Variants in DCAF1 observed in about 807,000 individuals in gnomAD.
DCAF1 encodes DDB1 and CUL4 associated factor 1.
In DCAF1, 15 loss-of-function variants were observed where a neutral mutation model predicts 128.0. The observed-to-expected ratio is 0.12, with a 90% CI of 0.08 to 0.18. The LOEUF is 0.18. DCAF1 is among the 10% of genes least tolerant of loss of function. The probability of loss-of-function intolerance (pLI) is 1.00; values close to 1 mark genes in which losing one functional copy is unlikely to be tolerated. For missense variants in DCAF1, 988 were observed against 1,649.5 expected, an observed-to-expected ratio of 0.60 and a Z score of 6.95; for synonymous variants, 610 against 603.0, an observed-to-expected ratio of 1.01 and a Z score of -0.17.
chr3:51,434,442 T>C (rs2107601557), intron 9 of DCAF1, among the ~76,000 whole-genome samples: 1 of 152,306 alleles, frequency 6.6e-6, no homozygotes, highest in Admixed American at 6.5e-5. Context: ...ACCATTTTAC[T>C]ATTACATATT....
Position 51,493,688 on chromosome 3 carries a change from T to C in DCAF1, c.-9+3046A>G, listed in dbSNP as rs185362154. Among the ~76,000 whole-genome samples, 686 of 152,004 alleles carry C rather than the reference T, an allele frequency of 4.5e-3. 4 individuals carry two copies. The highest frequency in any genetic ancestry group is 0.016 in the African/African-American group (659 of 41,492). On this transcript the variant is annotated intron_variant, in intron 2 of 24. Transcript: ENST00000684031. ...AGCAGACACAAAAGGGCACATATTG[T>C]ATGATTCTATTTATATAAAACATTG...
At chr3:51,477,491 G>C (rs374751250) in intron 3 of DCAF1, among the ~76,000 whole-genome samples, 1 of 151,332 alleles carries the variant, frequency 6.6e-6, no homozygotes, top group Non-Finnish European at 1.5e-5. Context: ...AAAATTAGTG[G>C]AGCATGGTAG....
rs782330116 is a variant in DCAF1, at chr3:51,420,163, G to T, written c.2807C>A (p.Pro936His). The T allele has an allele frequency of 1.2e-6, 2 of 1,614,030 alleles. No individual in the cohort carries two copies. The highest frequency in any genetic ancestry group is 1.7e-5 in the Admixed American group (1 of 60,018). The part of the protein sequence containing the change: ...APTAHPQPRP[P>H]QGPLALPGPS... ...GCCGGGCAGAGCTAGCGGACCCTGG[G>T]GGGGCCGTGGCTGAGGATGAGCAGT... Residue 936 changes from proline (P) to histidine (H), a missense_variant, in exon 15 of 25, where the codon CCC becomes CAC. Pro to His is a moderately conservative substitution (Grantham distance 77). Transcript: ENST00000684031. The surrounding 1 kb of genome is among the most constrained non-coding windows in gnomAD (Gnocchi z 6.5).
At chr3:51,454,895 G>A (rs774324571) in intron 6 of DCAF1, among the ~76,000 whole-genome samples, 7 of 150,920 alleles carry the variant, frequency 4.6e-5, no homozygotes, top group African/African-American at 1.7e-4. Flanking sequence ...GGATGGTCTC[G>A]ATCTCCTAAC....
chr3:51,464,283 T>C (rs2108084038), intron 5 of DCAF1, among the ~76,000 whole-genome samples: 3 of 151,728 alleles, frequency 2.0e-5, no homozygotes. Flanking sequence ...TAATATGTAT[T>C]AATAAAAGTC....
chr3:51,412,948 T>C (rs782001858), intron 22 of DCAF1, 45 bp downstream of exon 22: 1 of 1,607,496 alleles, frequency 6.2e-7, no homozygotes, highest in Non-Finnish European at 8.5e-7. Flanking sequence ...AAAATTATCC[T>C]AAACATCAGA....
chr3:51,402,566 ATTTTTT>A (rs540396047), intron 24 of DCAF1, among the ~76,000 whole-genome samples: 1 of 84,984 alleles, frequency 1.2e-5, no homozygotes, highest in African/African-American at 5.0e-5. Flanking sequence ...CCTACAAAGC[ATTTTTT>A]TTTTTTTTTT....
intron 2 of DCAF1, among the ~76,000 whole-genome samples, chr3:51,489,368 C>T (rs1244484374): frequency 2.0e-5 from 3 of 151,998 alleles, no homozygotes; most frequent in African/African-American, 7.2e-5. Context: ...AAGAGGCAGA[C>T]GTTGCAATGA....
At chr3:51,493,754 T>C (rs1304470615) in intron 2 of DCAF1, among the ~76,000 whole-genome samples, 6 of 152,044 alleles carry the variant, frequency 3.9e-5, no homozygotes, top group African/African-American at 1.4e-4. Flanking sequence ...CCCCAGCACT[T>C]TGGGAGGCCA....
At chr3:51,436,547 C>T (rs1280472736) in intron 9 of DCAF1, 1 of 392,582 alleles carries the variant, frequency 2.5e-6, no homozygotes, top group Non-Finnish European at 5.2e-6. Flanking sequence ...GACTGTATAC[C>T]AATAATTTTG....
chr3:51,447,218 T>G (rs781895405), intron 6 of DCAF1, among the ~76,000 whole-genome samples: 1 of 151,690 alleles, frequency 6.6e-6, no homozygotes, highest in Non-Finnish European at 1.5e-5. Flanking sequence ...ACCAGCCTCC[T>G]GGCCAACATG....
intron 3 of DCAF1, among the ~76,000 whole-genome samples, chr3:51,479,115 C>G (rs73834254): frequency 0.074 from 11,211 of 152,170 alleles, 971 homozygotes; most frequent in East Asian, 0.33. Context: ...TTTTCTCCAT[C>G]TTGACACATT....
intron 16 of DCAF1, 91 bp downstream of exon 16, chr3:51,418,587 G>A (rs1377626924): frequency 1.1e-5 from 16 of 1,502,338 alleles, no homozygotes; most frequent in East Asian, 2.3e-5. Flanking sequence ...ATTTAAAAGA[G>A]AGAGCTCAAT....
intron 6 of DCAF1, among the ~76,000 whole-genome samples, chr3:51,450,404 G>GGATT (rs1702236136): frequency 6.6e-6 from 1 of 152,028 alleles, no homozygotes. Flanking sequence ...CAGCATAAGA[G>GGATT]GATTATACAT....
upstream of DCAF1, among the ~76,000 whole-genome samples, chr3:51,504,435 C>T (rs978746643): frequency 1.3e-5 from 2 of 152,040 alleles, no homozygotes; most frequent in East Asian, 1.9e-4. Flanking sequence ...GCAACCTCTG[C>T]ATCCTGGGTT....
chr3:51,477,238 A>C (rs1705578369), intron 3 of DCAF1, among the ~76,000 whole-genome samples: 1 of 152,048 alleles, frequency 6.6e-6, no homozygotes, highest in East Asian at 1.9e-4. Context: ...AAGGTCAATA[A>C]AAGAGCAGAC....
At chr3:51,482,663 G>T (rs1343097289) in intron 3 of DCAF1, among the ~76,000 whole-genome samples, 1 of 149,950 alleles carries the variant, frequency 6.7e-6, no homozygotes, top group African/African-American at 2.5e-5. Context: ...TACTCGGGAG[G>T]CTGAGGCAGA....
intron 1 of DCAF1, among the ~76,000 whole-genome samples, chr3:51,499,003 A>C (rs1708539812): frequency 6.6e-6 from 1 of 152,220 alleles, no homozygotes; most frequent in Non-Finnish European, 1.5e-5. Flanking sequence ...AAAACAGGGT[A>C]AGGAAAAACC....
chr3:51,491,242 G>A (rs115782820), intron 2 of DCAF1, among the ~76,000 whole-genome samples: 2,149 of 151,528 alleles, frequency 0.014, 66 homozygotes, highest in African/African-American at 0.05. Flanking sequence ...CAGCTACTGG[G>A]ACAGCTGAGG....
Sources: gnomAD v4.1 joint callset for allele counts (sites outside exome capture counted in the v4.1 genomes callset) on GRCh38, gnomAD v4.1.1 for gene constraint, Gnocchi (gnomAD v3.1) non-coding constraint, MANE v1.5 for transcripts, NCBI Gene and HGNC (gene_info 2026-07-23, HGNC 2026-07-21) for gene names.